ANKRD62: variants seen among roughly 807,000 people sequenced by gnomAD.
The protein encoded by ANKRD62 is ankyrin repeat domain-containing protein 62.
In ANKRD62, 61 loss-of-function variants were observed where a neutral mutation model predicts 98.8. The observed-to-expected ratio is 0.62, with a 90% CI of 0.50 to 0.76. The LOEUF (loss-of-function observed/expected upper bound fraction) is 0.76, where lower values mean the gene tolerates loss of function less well. Ranked by LOEUF, ANKRD62 falls within the 30% of genes least tolerant of loss-of-function variation. ANKRD62 has a pLI of 0.00. For missense variants in ANKRD62, 933 were observed against 1,082.9 expected (o/e 0.86, Z 1.94); for synonymous variants, 341 against 367.9 (o/e 0.93, Z 0.84).
chr18:12,134,431 T>G (rs1479878606), downstream of ANKRD62, among the ~76,000 whole-genome samples: 3 of 151,904 alleles, frequency 2.0e-5, no homozygotes, highest in East Asian at 1.9e-4. Flanking sequence ...ACGTGCAGGT[T>G]TGTTACATAT....
the ANKRD62 span, among the ~76,000 whole-genome samples, chr18:12,153,794 A>G: frequency 6.6e-6 from 1 of 152,288 alleles, no homozygotes; most frequent in Admixed American, 6.5e-5. Flanking sequence ...GAACCCAAAA[A>G]TAAGGTTACA....
the ANKRD62 span, among the ~76,000 whole-genome samples, chr18:12,140,974 G>A: frequency 1.3e-5 from 2 of 152,242 alleles, no homozygotes; most frequent in African/African-American, 2.4e-5. Context: ...GAGGCAGGCA[G>A]GCCTCCTTGA....
chr18:12,125,148 T>C (rs988722171), intron 12 of ANKRD62, among the ~76,000 whole-genome samples: 1 of 152,064 alleles, frequency 6.6e-6, no homozygotes, highest in African/African-American at 2.4e-5. Context: ...TATTAATCAT[T>C]TATGTTTTTG....
intron 10 of ANKRD62, among the ~76,000 whole-genome samples, chr18:12,119,121 C>A (rs1909730411): frequency 1.3e-5 from 2 of 151,832 alleles, no homozygotes; most frequent in African/African-American, 4.8e-5. Context: ...TAGTAATTTT[C>A]CCTTTTAAGG....
the ANKRD62 span, among the ~76,000 whole-genome samples, chr18:12,160,088 G>C: frequency 6.6e-6 from 1 of 152,068 alleles, no homozygotes; most frequent in Non-Finnish European, 1.5e-5. Context: ...CTATAATCAT[G>C]TCTTAGATAC....
chr18:12,103,116 C>G (rs2143901585), intron 6 of ANKRD62, 42 bp from the exon 7 acceptor site: 1 of 1,266,160 alleles, frequency 7.9e-7, no homozygotes, highest in Middle Eastern at 2.9e-4. Context: ...TCTAATTGTT[C>G]TAAGTAGTTC....
At chr18:12,101,583 T>A (rs983359437) in intron 6 of ANKRD62, among the ~76,000 whole-genome samples, 1 of 152,238 alleles carries the variant, frequency 6.6e-6, no homozygotes, top group African/African-American at 2.4e-5. Context: ...TTTTCTGCGA[T>A]GTTTTTATTC....
chr18:12,175,834 T>G, the ANKRD62 span, among the ~76,000 whole-genome samples: 5 of 151,962 alleles, frequency 3.3e-5, no homozygotes, highest in East Asian at 1.9e-4. Flanking sequence ...TGAGGGAGTT[T>G]CAAATTGTAT....
At chr18:12,094,981 T>C (rs1909149545) in intron 1 of ANKRD62, among the ~76,000 whole-genome samples, 190 bp from the exon 2 acceptor site, 1 of 151,266 alleles carries the variant, frequency 6.6e-6, no homozygotes, top group African/African-American at 2.4e-5. Flanking sequence ...CCAAGGGCAC[T>C]GGGCTTTCTA....
At chr18:12,134,602 C>T (rs1205789473), downstream of ANKRD62, among the ~76,000 whole-genome samples, 4 of 152,106 alleles carry the variant, frequency 2.6e-5, no homozygotes, top group African/African-American at 7.2e-5. Context: ...TCAGTTCCCA[C>T]CTATGAGTGA....
chr18:12,163,801 T>A, the ANKRD62 span, among the ~76,000 whole-genome samples: 1 of 152,216 alleles, frequency 6.6e-6, no homozygotes, highest in African/African-American at 2.4e-5. Flanking sequence ...ATCCTGTTGA[T>A]ATGATGTATC....
chr18:12,153,607 A>AG, the ANKRD62 span, among the ~76,000 whole-genome samples: 1 of 141,042 alleles, frequency 7.1e-6, no homozygotes, highest in Middle Eastern at 3.4e-3. Context: ...AAAAAAAAAA[A>AG]AAAGAAAGAA....
At chr18:12,135,090 G>A in the ANKRD62 span, among the ~76,000 whole-genome samples, 2 of 150,360 alleles carry the variant, frequency 1.3e-5, no homozygotes, top group Non-Finnish European at 2.9e-5. Flanking sequence ...TGTGCACAAC[G>A]TGCAGGTGTG....
chr18:12,170,290 C>T, the ANKRD62 span, among the ~76,000 whole-genome samples: 1 of 152,192 alleles, frequency 6.6e-6, no homozygotes, highest in Non-Finnish European at 1.5e-5. Context: ...TCCCTCTACA[C>T]ACTGCTTTGA....
intron 11 of ANKRD62, 57 bp downstream of exon 11, chr18:12,122,573 GATA>G: frequency 6.5e-6 from 9 of 1,377,266 alleles, no homozygotes; most frequent in Non-Finnish European, 7.7e-6. Flanking sequence ...GGATATGTAG[GATA>G]ATTTTTGTAA....
the ANKRD62 span, among the ~76,000 whole-genome samples, chr18:12,159,656 G>A: frequency 2.0e-5 from 3 of 152,184 alleles, no homozygotes; most frequent in Non-Finnish European, 2.9e-5. Context: ...TCTGGACTCT[G>A]CAGAGAAACG....
At chr18:12,115,654 CCTT>C in intron 10 of ANKRD62, 120 bp downstream of exon 10, 1 of 888,920 alleles carries the variant, frequency 1.1e-6, no homozygotes, top group Non-Finnish European at 1.6e-6. Flanking sequence ...TCGGAAATAT[CCTT>C]CTTGTGAACA....
chr18:12,110,274 T>A (rs1366819779), intron 8 of ANKRD62, among the ~76,000 whole-genome samples: 1 of 152,240 alleles, frequency 6.6e-6, no homozygotes, highest in South Asian at 2.1e-4. Flanking sequence ...GAGTATAAAA[T>A]GTCTCAGAGT....
At chr18:12,141,757 G>A in the ANKRD62 span, among the ~76,000 whole-genome samples, 1 of 56,316 alleles carries the variant, frequency 1.8e-5, no homozygotes, top group African/African-American at 7.5e-5. Flanking sequence ...GAGTTCTCGC[G>A]TTGGTTCTTT....
Sources: allele counts gnomAD v4.1 joint callset (sites outside exome capture counted in the v4.1 genomes callset), GRCh38; gene constraint gnomAD v4.1.1; transcripts MANE v1.5; gene names NCBI Gene and HGNC (gene_info 2026-07-23, HGNC 2026-07-21).